The following INSL6 variants were observed in gnomAD, a reference collection of about 807,000 sequenced individuals.
The protein encoded by INSL6 is insulin like 6, also known as insulin-like peptide INSL6.
In INSL6, 16 loss-of-function variants were observed where a neutral mutation model predicts 9.4. That is an observed-to-expected ratio of 1.70 (90% CI 1.15 to 2.59). INSL6 has a LOEUF of 2.59. Ranked by LOEUF, INSL6 falls within the 30% of genes most tolerant of loss-of-function variation. The pLI, the probability that INSL6 is intolerant of heterozygous loss-of-function variation, is 0.00. For synonymous variants in INSL6, 154 were observed against 96.9 expected, an observed-to-expected ratio of 1.59 and a Z score of -3.46; for missense variants, 391 against 257.3, an observed-to-expected ratio of 1.52 and a Z score of -3.56.
chr9:5,024,324 A>AT, the INSL6 span, among the ~76,000 whole-genome samples: 235 of 151,824 alleles, frequency 1.5e-3, 1 homozygote, highest in East Asian at 5.2e-3. Flanking sequence ...AGCTTGTAAG[A>AT]TTTTTTTTTG....
At chr9:5,101,977 AACC>A in the INSL6 span, among the ~76,000 whole-genome samples, 1 of 152,208 alleles carries the variant, frequency 6.6e-6, no homozygotes, top group Non-Finnish European at 1.5e-5. Context: ...AAATTCTAAA[AACC>A]AGAGGGCCTC....
At chr9:5,111,095 G>C in the INSL6 span, 4 of 1,224,730 alleles carry the variant, frequency 3.3e-6, no homozygotes, top group Non-Finnish European at 4.6e-6. Context: ...TGGGGCAGCG[G>C]CGACCAGAAC....
chr9:5,070,355 G>C, the INSL6 span, among the ~76,000 whole-genome samples: 1 of 151,902 alleles, frequency 6.6e-6, no homozygotes, highest in Non-Finnish European at 1.5e-5. Flanking sequence ...AAGTTCTCAA[G>C]AAAGTAAGGG....
chr9:5,112,448 AG>A, the INSL6 span: 1 of 531,114 alleles, frequency 1.9e-6, no homozygotes, highest in Admixed American at 2.8e-5. Flanking sequence ...GAGGAGAAGA[AG>A]GAGCTGAAGG....
chr9:5,172,570 G>C (rs1032861857), intron 1 of INSL6, among the ~76,000 whole-genome samples: 1 of 152,104 alleles, frequency 6.6e-6, no homozygotes, highest in African/African-American at 2.4e-5. Context: ...ATTTAACGAA[G>C]GTCTAATATC....
At chr9:5,120,570 A>C (rs1007371153), downstream of INSL6, among the ~76,000 whole-genome samples, 3 of 152,160 alleles carry the variant, frequency 2.0e-5, no homozygotes, top group African/African-American at 7.2e-5. Context: ...TGTTGTAAAA[A>C]ATCGGTGAAA....
At chr9:5,064,477 C>G in the INSL6 span, among the ~76,000 whole-genome samples, 9 of 151,038 alleles carry the variant, frequency 6.0e-5, no homozygotes, top group Non-Finnish European at 1.3e-4. Flanking sequence ...TTGCAGTGAG[C>G]CAAGATTGTG....
the INSL6 span, among the ~76,000 whole-genome samples, chr9:5,027,314 T>C: frequency 6.6e-6 from 1 of 152,252 alleles, no homozygotes; most frequent in Non-Finnish European, 1.5e-5. Context: ...ATAAAAGTTA[T>C]GTTTAAATTA....
At chr9:5,170,376 G>A (rs918974221) in intron 1 of INSL6, among the ~76,000 whole-genome samples, 1 of 151,992 alleles carries the variant, frequency 6.6e-6, no homozygotes, top group African/African-American at 2.4e-5. Flanking sequence ...ACTTTATAGC[G>A]CTAAATGCCC....
chr9:5,009,243 T>C, the INSL6 span, among the ~76,000 whole-genome samples: 1 of 152,174 alleles, frequency 6.6e-6, no homozygotes, highest in Admixed American at 6.5e-5. Context: ...GAACGATCCA[T>C]TTATTTATTT....
At chr9:5,057,586 T>C in the INSL6 span, among the ~76,000 whole-genome samples, 14 of 147,204 alleles carry the variant, frequency 9.5e-5, no homozygotes, top group African/African-American at 2.3e-4. Flanking sequence ...CTTTCTTTTT[T>C]TTTTTTTTTT....
At chr9:5,013,792 G>T in the INSL6 span, among the ~76,000 whole-genome samples, 1 of 151,902 alleles carries the variant, frequency 6.6e-6, no homozygotes. Context: ...AATTTATTTT[G>T]TACTTAGATG....
intron 1 of INSL6, among the ~76,000 whole-genome samples, chr9:5,169,110 A>T (rs1362125788): frequency 6.6e-6 from 1 of 151,930 alleles, no homozygotes; most frequent in Non-Finnish European, 1.5e-5. Flanking sequence ...ATTTTTAGTA[A>T]AGACAGGGTT....
the INSL6 span, chr9:5,054,947 G>A: frequency 7.9e-7 from 1 of 1,266,032 alleles, no homozygotes; most frequent in Non-Finnish European, 1.1e-6. This position sits in a 1 kb window ranked among gnomAD's most constrained non-coding sequence, Gnocchi z 4.9. Flanking sequence ...TAAAAACAAA[G>A]TAATTTTAAT....
the INSL6 span, chr9:5,089,565 A>G: frequency 1.9e-5 from 6 of 308,750 alleles, no homozygotes; most frequent in East Asian, 5.2e-5. Context: ...AAAAAAAAAA[A>G]GACAGTCTGC....
the INSL6 span, among the ~76,000 whole-genome samples, chr9:5,057,393 A>G: frequency 8.2e-4 from 125 of 151,944 alleles, no homozygotes; most frequent in Non-Finnish European, 1.8e-4. Context: ...ATTTTGGTAA[A>G]ATATATATAA....
At chr9:5,067,191 C>T in the INSL6 span, among the ~76,000 whole-genome samples, 2 of 152,056 alleles carry the variant, frequency 1.3e-5, no homozygotes, top group Non-Finnish European at 2.9e-5. Context: ...TTAGAGGAAA[C>T]AGAATTAGAG....
intron 2 of INSL6, among the ~76,000 whole-genome samples, chr9:5,135,559 G>A (rs1252196618): frequency 6.6e-6 from 1 of 152,146 alleles, no homozygotes; most frequent in African/African-American, 2.4e-5. Context: ...ATATAAAGAT[G>A]TTCTTTGAAA....
At chr9:5,169,602 T>C (rs1308284186) in intron 1 of INSL6, among the ~76,000 whole-genome samples, 2 of 152,182 alleles carry the variant, frequency 1.3e-5, no homozygotes, top group Admixed American at 6.5e-5. Flanking sequence ...TCATGATCCA[T>C]TGGTGTGCTG....
Sources: allele counts gnomAD v4.1 joint callset (sites outside exome capture counted in the v4.1 genomes callset), GRCh38; gene constraint gnomAD v4.1.1; non-coding constraint Gnocchi (gnomAD v3.1); transcripts MANE v1.5; gene names NCBI Gene and HGNC (gene_info 2026-07-23, HGNC 2026-07-21).